Variants in APC observed in about 807,000 individuals in gnomAD.
APC encodes APC regulator of Wnt signaling pathway, also known as adenomatous polyposis coli protein.
Under a neutral mutation model 247.0 loss-of-function variants are expected in APC, and 72 were observed. The observed-to-expected ratio is 0.29, with a 90% CI of 0.24 to 0.35. APC has a LOEUF of 0.35. Ranked by LOEUF, APC falls within the 10% of genes least tolerant of loss-of-function variation. The probability of loss-of-function intolerance (pLI) is 1.00; values close to 1 mark genes in which losing one functional copy is unlikely to be tolerated. For synonymous variants in APC, 1,254 were observed against 1,162.5 expected, an observed-to-expected ratio of 1.08 and a Z score of -1.60; for missense variants, 3,400 against 3,360.7, an observed-to-expected ratio of 1.01 and a Z score of -0.29.
chr5:112,822,625 C>G (rs964503324), intron 11 of APC, among the ~76,000 whole-genome samples: 10 of 152,038 alleles, frequency 6.6e-5, no homozygotes, highest in Non-Finnish European at 1.5e-4. Flanking sequence ...AATGGTTTTT[C>G]TTTGATTTCT....
chr5:112,768,332 A>G (rs1360881283), intron 4 of APC, among the ~76,000 whole-genome samples: 1 of 151,100 alleles, frequency 6.6e-6, no homozygotes, highest in Admixed American at 6.6e-5. Flanking sequence ...GGCATGAGGC[A>G]CTACACTTGG....
chr5:112,777,617 C>T (rs1363889175), intron 5 of APC: 1 of 176,042 alleles, frequency 5.7e-6, no homozygotes, highest in African/African-American at 2.4e-5. Flanking sequence ...AAAACCAAGA[C>T]CCATATAAAA....
rs144521795 is a variant in APC at position 112,713,559 on chromosome 5, T to C, written c.165+5677T>C. 1.8e-4 allele frequency among the ~76,000 whole-genome samples: 27 copies of C among 152,340 alleles called. No homozygotes were observed. In the East Asian group the frequency reaches 5.2e-3, roughly 29 times the overall value. On this transcript the variant is annotated intron_variant, in intron 1 of 13. Transcript: ENST00000507379. ...GCTGATTAGAAGAAAACAGATGGTGTCAATGACAGTATTGTATGGAGAAAT... is the reference window on the plus strand; with the variant it reads ...GCTGATTAGAAGAAAACAGATGGTGCCAATGACAGTATTGTATGGAGAAAT...
chr5:112,764,780 A>C (rs1290875205), intron 2 of APC, among the ~76,000 whole-genome samples: 1 of 152,196 alleles, frequency 6.6e-6, no homozygotes, highest in Non-Finnish European at 1.5e-5. Flanking sequence ...AAACAGTAGC[A>C]ATGGATGGAA....
At chr5:112,824,192 A>G (rs1432132285) in intron 11 of APC, among the ~76,000 whole-genome samples, 1 of 152,232 alleles carries the variant, frequency 6.6e-6, no homozygotes, top group Non-Finnish European at 1.5e-5. Flanking sequence ...TATTTAGACC[A>G]CTGTTTTCTA....
chr5:112,778,681 G>A (rs549323836), intron 5 of APC, among the ~76,000 whole-genome samples: 6 of 101,970 alleles, frequency 5.9e-5, no homozygotes, highest in Admixed American at 2.3e-4. Context: ...CAAGTAGCTG[G>A]GACTACAGCA....
chr5:112,752,516 C>T (rs1228283231), intron 1 of APC, among the ~76,000 whole-genome samples: 2 of 152,136 alleles, frequency 1.3e-5, no homozygotes, highest in Non-Finnish European at 2.9e-5. Context: ...TGCAGAAAAA[C>T]AAATTGAGAG....
intron 1 of APC, among the ~76,000 whole-genome samples, chr5:112,724,131 G>C (rs376613947): frequency 1.3e-5 from 2 of 152,132 alleles, no homozygotes; most frequent in African/African-American, 4.8e-5. Flanking sequence ...AATCAGAAGT[G>C]AGCAGGCTAT....
chr5:112,745,730 G>C (rs2149706869), intron 1 of APC, among the ~76,000 whole-genome samples: 1 of 151,660 alleles, frequency 6.6e-6, no homozygotes, highest in African/African-American at 2.4e-5. Context: ...ACCACGCCCA[G>C]CTAATTTTTG....
chr5:112,749,080 A>G (rs1010208908), intron 1 of APC, among the ~76,000 whole-genome samples: 1 of 152,130 alleles, frequency 6.6e-6, no homozygotes. Context: ...TTTCTTTAGT[A>G]TTTTAATGTA....
At chr5:112,709,131 A>T (rs546385828) in intron 1 of APC, among the ~76,000 whole-genome samples, 1 of 152,222 alleles carries the variant, frequency 6.6e-6, no homozygotes, top group Non-Finnish European at 1.5e-5. Flanking sequence ...AAATTGAGCA[A>T]TATCGTTTTC....
At chr5:112,736,486 T>C (rs899849762), upstream of APC, among the ~76,000 whole-genome samples, 1 of 152,228 alleles carries the variant, frequency 6.6e-6, no homozygotes, top group Admixed American at 6.5e-5. Context: ...ATGGACATTT[T>C]GTTGTGTGTC....
rs1217729675 is a variant in APC at position 112,829,102 on chromosome 5, G to A, written c.1743+130G>A. The A allele has an allele frequency of 1.7e-4, 121 of 697,008 alleles. No individual in the cohort carries two copies. The East Asian group carries it at 3.3e-3, about 19-fold the overall frequency. 43.2% of individuals were successfully genotyped at this position (697,008 alleles called of 1,614,324 possible). The stretch of plus-strand genomic sequence containing the variant: ...TTCAGTACTATAATATGAATTTCAT[G>A]TTTAGCTTTTTTTGCTGCCTTCTTT... On this transcript the variant is annotated intron_variant, in intron 14 of 15. Coordinates refer to ENST00000257430, the MANE Select transcript of APC (RefSeq NM_000038.6).
chr5:112,777,300 A>G (rs1216074455), intron 5 of APC, among the ~76,000 whole-genome samples: 1 of 152,202 alleles, frequency 6.6e-6, no homozygotes, highest in Non-Finnish European at 1.5e-5. Flanking sequence ...AAAACAAGTA[A>G]GAAACCCAGA....
intron 1 of APC, among the ~76,000 whole-genome samples, chr5:112,715,821 G>A (rs1271032685): frequency 6.6e-6 from 1 of 151,866 alleles, no homozygotes; most frequent in African/African-American, 2.4e-5. Flanking sequence ...TCAATGTATT[G>A]TTTTTAAGCC....
upstream of APC, among the ~76,000 whole-genome samples, chr5:112,735,160 C>G (rs1411701908): frequency 6.6e-6 from 1 of 151,754 alleles, no homozygotes. Context: ...CAATTTATTT[C>G]TGTTTCATTT....
chr5:112,834,461 T>A (rs912099787), intron 14 of APC, among the ~76,000 whole-genome samples: 1 of 150,290 alleles, frequency 6.7e-6, no homozygotes, highest in Non-Finnish European at 1.5e-5. Flanking sequence ...GCGAGGCTGG[T>A]CTTGAACTCC....
intron 4 of APC, among the ~76,000 whole-genome samples, chr5:112,771,321 A>G (rs1006600678): frequency 6.6e-6 from 1 of 152,144 alleles, no homozygotes; most frequent in African/African-American, 2.4e-5. Flanking sequence ...ATTCATAAAT[A>G]AATTTTTATT....
rs2149952850 is a variant in APC at position 112,841,528 on chromosome 5, A to T, written c.5934A>T (p.Glu1978Asp). Reference protein sequence around the residue: ...SLSSLSDIDQENNNKENEPIK... With the variant: ...SLSSLSDIDQDNNNKENEPIK... ...GTTCTCTCAGTGACATTGACCAAGA[A>T]AACAACAATAAAGAAAATGAACCTA... Residue 1978 changes from glutamate to aspartate, a missense_variant, in exon 16 of 16, where the codon GAA becomes GAT. Glu to Asp is a conservative substitution (Grantham distance 45). Transcript: ENST00000257430. This position sits in a 1 kb window ranked among gnomAD's most constrained non-coding sequence, Gnocchi z 4.6. 1 of 1,613,950 alleles carries T rather than the reference A, an allele frequency of 6.2e-7. No homozygotes were observed. The highest frequency in any genetic ancestry group is 8.5e-7 in the Non-Finnish European group (1 of 1,179,890).
Sources: allele counts gnomAD v4.1 joint callset (sites outside exome capture counted in the v4.1 genomes callset), GRCh38; gene constraint gnomAD v4.1.1; non-coding constraint Gnocchi (gnomAD v3.1); transcripts MANE v1.5; gene names NCBI Gene and HGNC (gene_info 2026-07-23, HGNC 2026-07-21).